RASGRP1: variants seen among roughly 807,000 people sequenced by gnomAD.
RASGRP1 encodes RAS guanyl-releasing protein 1.
In RASGRP1, 37 loss-of-function variants were observed where a neutral mutation model predicts 95.1. That is an observed-to-expected ratio of 0.39 (90% CI 0.30 to 0.51). The LOEUF is 0.51. RASGRP1 is among the 20% of genes least tolerant of loss of function. The pLI is 0.80. For synonymous variants in RASGRP1, 325 were observed against 353.4 expected (o/e 0.92, Z 0.90); for missense variants, 711 against 965.4 (o/e 0.74, Z 3.49).
chr15:38,525,958 A>T (rs1052981735), intron 3 of RASGRP1, among the ~76,000 whole-genome samples: 17 of 152,174 alleles, frequency 1.1e-4, no homozygotes, highest in Non-Finnish European at 2.9e-5. Flanking sequence ...TTTATCCTTG[A>T]GTCATGCTTG....
intron 1 of RASGRP1, among the ~76,000 whole-genome samples, chr15:38,561,446 A>C (rs764824667): frequency 2.6e-5 from 4 of 152,274 alleles, no homozygotes; most frequent in Non-Finnish European, 5.9e-5. Context: ...TTCCCAGAGA[A>C]GAAAGAGGCA....
chr15:38,544,603 C>T (rs1237530111), intron 2 of RASGRP1, among the ~76,000 whole-genome samples: 1 of 152,210 alleles, frequency 6.6e-6, no homozygotes, highest in South Asian at 2.1e-4. Flanking sequence ...TGTGTGATGC[C>T]TTCTGCCATG....
At chr15:38,548,249 G>A (rs1893183997) in intron 2 of RASGRP1, among the ~76,000 whole-genome samples, 1 of 152,114 alleles carries the variant, frequency 6.6e-6, no homozygotes, top group African/African-American at 2.4e-5. Context: ...TCCTAGGTTT[G>A]AGGACACTTT....
At chr15:38,559,786 T>A in intron 2 of RASGRP1, 35 bp downstream of exon 2, 1 of 1,578,698 alleles carries the variant, frequency 6.3e-7, no homozygotes, top group Non-Finnish European at 8.7e-7. Context: ...AGTAATAGAG[T>A]GATTTTTATG....
chr15:38,548,865 A>C (rs561665156), intron 2 of RASGRP1, among the ~76,000 whole-genome samples: 2 of 152,230 alleles, frequency 1.3e-5, no homozygotes, highest in South Asian at 4.1e-4. Flanking sequence ...AGCTTAGTCC[A>C]TCTCAGGTAG....
At chr15:38,533,064 A>G (rs1892509569) in intron 2 of RASGRP1, among the ~76,000 whole-genome samples, 1 of 152,180 alleles carries the variant, frequency 6.6e-6, no homozygotes. Flanking sequence ...GCAACTCCGG[A>G]ACAGTCACTT....
intron 2 of RASGRP1, among the ~76,000 whole-genome samples, chr15:38,554,039 C>A (rs536356379): frequency 6.6e-6 from 1 of 152,334 alleles, no homozygotes; most frequent in South Asian, 2.1e-4. Flanking sequence ...TCCATCCAAA[C>A]CAGTGACTGC....
At chr15:38,564,306 C>T (rs1423158026) in intron 1 of RASGRP1, among the ~76,000 whole-genome samples, 2 of 152,156 alleles carry the variant, frequency 1.3e-5, no homozygotes, top group Non-Finnish European at 1.5e-5. Flanking sequence ...GGCGGGCGGG[C>T]GCCGGCTCCG....
At chr15:38,562,299 C>T (rs1028715015) in intron 1 of RASGRP1, among the ~76,000 whole-genome samples, 2 of 152,226 alleles carry the variant, frequency 1.3e-5, no homozygotes, top group African/African-American at 4.8e-5. Flanking sequence ...GTCCTCAGGT[C>T]CCTAGAGCTG....
At chr15:38,537,262 TAAAGA>T (rs1006514361) in intron 2 of RASGRP1, among the ~76,000 whole-genome samples, 7 of 152,138 alleles carry the variant, frequency 4.6e-5, no homozygotes, top group African/African-American at 1.4e-4. Context: ...ATATAATTTA[TAAAGA>T]AAAGAAATTT....
At chr15:38,518,538 G>T (rs1891877821) in intron 4 of RASGRP1, 115 bp from the exon 5 acceptor site, 2 of 1,156,784 alleles carry the variant, frequency 1.7e-6, no homozygotes, top group Non-Finnish European at 2.5e-6. Flanking sequence ...GACAAAGTCT[G>T]ATTCGTCTAT....
chr15:38,563,717 G>C (rs1893906710), intron 1 of RASGRP1, among the ~76,000 whole-genome samples: 1 of 152,178 alleles, frequency 6.6e-6, no homozygotes. Flanking sequence ...TACCTGGATG[G>C]GGAGAGGCAG....
At chr15:38,516,624 T>C (rs1891798310) in intron 5 of RASGRP1, among the ~76,000 whole-genome samples, 1 of 151,418 alleles carries the variant, frequency 6.6e-6, no homozygotes, top group Admixed American at 6.6e-5. Flanking sequence ...AAGGAAGGAG[T>C]CTCAGGTATC....
At chr15:38,507,459 G>C (rs1309438253) in intron 9 of RASGRP1, among the ~76,000 whole-genome samples, 1 of 152,184 alleles carries the variant, frequency 6.6e-6, no homozygotes, top group South Asian at 2.1e-4. Flanking sequence ...TGTAGAGGTA[G>C]TGAAACAGTC....
chr15:38,549,639 G>A (rs1893247114), intron 2 of RASGRP1, among the ~76,000 whole-genome samples: 1 of 101,228 alleles, frequency 9.9e-6, no homozygotes, highest in Non-Finnish European at 1.9e-5. Flanking sequence ...TTACAAAACC[G>A]GCAATCCCTG....
intron 10 of RASGRP1, chr15:38,504,108 T>C (rs1049301011): frequency 2.0e-5 from 3 of 152,218 alleles, no homozygotes; most frequent in African/African-American, 7.2e-5. Flanking sequence ...TTTTTAATGT[T>C]ACACCTGTAT....
intron 7 of RASGRP1, among the ~76,000 whole-genome samples, chr15:38,512,514 T>C (rs4410035): frequency 0.016 from 2,470 of 152,308 alleles, 31 homozygotes; most frequent in African/African-American, 0.021. Flanking sequence ...AAGCATCTTT[T>C]GAAAAATGTT....
chr15:38,519,818 G>A (rs918674238), intron 3 of RASGRP1, among the ~76,000 whole-genome samples: 6 of 148,762 alleles, frequency 4.0e-5, no homozygotes, highest in Non-Finnish European at 8.9e-5. Flanking sequence ...TGATACACAT[G>A]TATGCAGTGA....
chr15:38,559,755 G>T, intron 2 of RASGRP1, 66 bp downstream of exon 2: 1 of 1,478,886 alleles, frequency 6.8e-7, no homozygotes, highest in Non-Finnish European at 9.3e-7. Context: ...GTTCCGTAAA[G>T]CACTTTTAAA....
Sources: allele counts gnomAD v4.1 joint callset (sites outside exome capture counted in the v4.1 genomes callset), GRCh38; gene constraint gnomAD v4.1.1; transcripts MANE v1.5; gene names NCBI Gene and HGNC (gene_info 2026-07-23, HGNC 2026-07-21).